Variants in USP32 observed in about 807,000 individuals in gnomAD.
USP32 encodes ubiquitin specific peptidase 32, also known as ubiquitin carboxyl-terminal hydrolase 32.
A neutral mutation model predicts 204.8 loss-of-function variants in USP32; 59 were observed. The ratio of observed to expected loss-of-function variants is 0.29; its 90% CI spans 0.23 to 0.36. The LOEUF is 0.36. USP32 is among the 10% of genes least tolerant of loss of function. USP32 has a pLI of 1.00. For missense variants in USP32, 1,160 were observed against 1,946.4 expected (o/e 0.60, Z 7.60); for synonymous variants, 517 against 678.4 (o/e 0.76, Z 3.70).
intron 1 of USP32, among the ~76,000 whole-genome samples, chr17:60,399,214 T>C (rs1048171946): frequency 1.3e-5 from 2 of 152,102 alleles, no homozygotes; most frequent in East Asian, 1.9e-4. Context: ...AGATACAGAA[T>C]TGAGCAAAGT....
chr17:60,199,562 G>A (rs985528115), intron 26 of USP32, among the ~76,000 whole-genome samples: 6 of 152,144 alleles, frequency 3.9e-5, no homozygotes, highest in Non-Finnish European at 7.4e-5. Flanking sequence ...TGAGTAGTTA[G>A]AAAAGCTAAA....
At chr17:60,187,293 A>C (rs1238874800) in intron 29 of USP32, among the ~76,000 whole-genome samples, 1 of 152,232 alleles carries the variant, frequency 6.6e-6, no homozygotes, top group African/African-American at 2.4e-5. Context: ...ATCCAGGCTA[A>C]AGAGCTCATT....
At chr17:60,202,443 T>TCACACACACA (rs377613629) in intron 26 of USP32, among the ~76,000 whole-genome samples, 2,695 of 140,708 alleles carry the variant, frequency 0.019, 20 homozygotes, top group Non-Finnish European at 0.024. Flanking sequence ...GCTTATCAAA[T>TCACACACACA]CACACACACA....
intron 16 of USP32, among the ~76,000 whole-genome samples, chr17:60,218,794 C>T (rs1245190667): frequency 5.9e-5 from 9 of 152,074 alleles, no homozygotes; most frequent in African/African-American, 2.2e-4. Context: ...AGACAGGGTT[C>T]GTGTTGGCCA....
At chr17:60,211,189 C>A in intron 20 of USP32, 71 bp from the exon 21 acceptor site, 1 of 1,572,440 alleles carries the variant, frequency 6.4e-7, no homozygotes, top group East Asian at 2.3e-5. Flanking sequence ...GCAAAAATGC[C>A]TAGCATCTCA....
intron 1 of USP32, among the ~76,000 whole-genome samples, chr17:60,352,691 A>T (rs949985967): frequency 6.6e-6 from 1 of 152,226 alleles, no homozygotes; most frequent in African/African-American, 2.4e-5. Context: ...GAATGGAGGT[A>T]TAAAGACCAG....
chr17:60,298,884 A>AGAC (rs1238914461), intron 3 of USP32, among the ~76,000 whole-genome samples: 1 of 152,230 alleles, frequency 6.6e-6, no homozygotes, highest in Non-Finnish European at 1.5e-5. Flanking sequence ...GCACTTTGGA[A>AGAC]GACAGAGGCA....
intron 12 of USP32, among the ~76,000 whole-genome samples, chr17:60,234,593 G>A (rs1398079497): frequency 1.3e-5 from 2 of 151,680 alleles, no homozygotes; most frequent in Non-Finnish European, 2.9e-5. Flanking sequence ...AGCCGGGCGT[G>A]GTGGCACGTG....
intron 29 of USP32, among the ~76,000 whole-genome samples, chr17:60,187,169 G>T (rs1303633290): frequency 6.6e-6 from 1 of 152,164 alleles, no homozygotes; most frequent in Non-Finnish European, 1.5e-5. Context: ...AGTTTAGAAT[G>T]GGTTTTCAGG....
At chr17:60,275,955 T>C (rs1567821156) in intron 5 of USP32, among the ~76,000 whole-genome samples, 1 of 152,150 alleles carries the variant, frequency 6.6e-6, no homozygotes, top group African/African-American at 2.4e-5. Flanking sequence ...GATAAAATTT[T>C]CACAGAGGAA....
At chr17:60,386,088 A>G (rs1380277978) in intron 1 of USP32, among the ~76,000 whole-genome samples, 1 of 152,086 alleles carries the variant, frequency 6.6e-6, no homozygotes, top group African/African-American at 2.4e-5. Context: ...TTGAAAAGCT[A>G]GTTTTTACCA....
chr17:60,294,778 C>T lies in USP32; in HGVS notation c.316G>A (p.Glu106Lys). ...AKYIFSLFSS[E>K]SGNYVIREEM... ...TCCCGTATAACATAGTTCCCAGATT[C>T]ACTTGAAAAAAGACTAAAAATGTCT... Residue 106 changes from glutamate (E) to lysine (K), a missense_variant, in exon 4 of 34, where the codon GAA becomes AAA. Physicochemically the swap from Glu to Lys is moderately conservative, Grantham distance 56. Transcript: ENST00000300896. The T allele has an allele frequency of 6.2e-7, 1 of 1,609,038 alleles. No homozygotes were observed. The highest frequency in any genetic ancestry group is 8.5e-7 in the Non-Finnish European group (1 of 1,177,456).
At chr17:60,258,833 C>T (rs1033417614) in intron 9 of USP32, among the ~76,000 whole-genome samples, 1 of 152,062 alleles carries the variant, frequency 6.6e-6, no homozygotes, top group Non-Finnish European at 1.5e-5. Context: ...TGCAAAGTTC[C>T]ATCTCATGCA....
At chr17:60,255,089 C>T in intron 10 of USP32, 86 bp downstream of exon 10, 1 of 851,272 alleles carries the variant, frequency 1.2e-6, no homozygotes, top group Non-Finnish European at 1.8e-6. Context: ...AGCCTAGATA[C>T]AACAACTCTG....
chr17:60,265,901 T>C lies in USP32; in HGVS notation c.927+75A>G, dbSNP rs2086578987. 14 of 1,187,512 alleles carry C rather than the reference T, an allele frequency of 1.2e-5. No individual in the cohort carries two copies. In the South Asian group the frequency reaches 1.4e-4, roughly 12 times the overall value. The allele number at this position is 1,187,512 out of a possible 1,614,324, so 73.6% of individuals were successfully genotyped here. ...AAAGCAGTAACAAATTATTTTATGC[T>C]TTTAAAGAAAATGATTCCCTCCAAT... On this transcript the variant is annotated intron_variant, in intron 8 of 33. Transcript: ENST00000300896.
intron 30 of USP32, among the ~76,000 whole-genome samples, chr17:60,184,511 T>A (rs1025240762): frequency 6.6e-6 from 1 of 151,828 alleles, no homozygotes; most frequent in African/African-American, 2.4e-5. Flanking sequence ...GAGACATGAA[T>A]AGAATAAGAA....
intron 1 of USP32, among the ~76,000 whole-genome samples, chr17:60,370,913 T>G (rs1196279011): frequency 6.6e-6 from 1 of 150,832 alleles, no homozygotes; most frequent in African/African-American, 2.4e-5. Context: ...CTGAGCAACA[T>G]AGCAAGATCC....
intron 1 of USP32, among the ~76,000 whole-genome samples, chr17:60,407,400 CT>C (rs1400139206): frequency 6.6e-6 from 1 of 152,138 alleles, no homozygotes; most frequent in Non-Finnish European, 1.5e-5. Flanking sequence ...GTAGAAATAA[CT>C]TAGTGACCTC....
intron 1 of USP32, among the ~76,000 whole-genome samples, chr17:60,365,059 A>AT (rs979878123): frequency 5.9e-5 from 9 of 152,250 alleles, no homozygotes; most frequent in Admixed American, 5.9e-4. Flanking sequence ...TAGTTAAGAA[A>AT]TCATGTTATT....
Sources: allele counts gnomAD v4.1 joint callset (sites outside exome capture counted in the v4.1 genomes callset), GRCh38; gene constraint gnomAD v4.1.1; transcripts MANE v1.5; gene names NCBI Gene and HGNC (gene_info 2026-07-23, HGNC 2026-07-21).